BAAT: variants seen among roughly 807,000 people sequenced by gnomAD.
The protein encoded by BAAT is bile acid CoA: amino acid N-acyltransferase (glycine N-choloyltransferase).
Under a neutral mutation model 18.9 loss-of-function variants are expected in BAAT, and 13 were observed. That is an observed-to-expected ratio of 0.69 (90% CI 0.45 to 1.10). The LOEUF (loss-of-function observed/expected upper bound fraction) is 1.10, where lower values mean the gene tolerates loss of function less well. Among genes scored for constraint, BAAT ranks in the 50% least tolerant of loss-of-function variants. The pLI is 0.00. For missense variants in BAAT, 489 were observed against 504.0 expected (o/e 0.97, Z 0.28); for synonymous variants, 170 against 190.7 (o/e 0.89, Z 0.89).
chr9:101,372,532 A>G (rs766948018), intron 1 of BAAT, among the ~76,000 whole-genome samples: 13 of 151,800 alleles, frequency 8.6e-5, no homozygotes, highest in Non-Finnish European at 1.6e-4. Context: ...CCTTTTGATT[A>G]GTGTGAAGAA....
In BAAT at chr9:101,371,471, A is replaced by C; in HGVS notation, c.-59-8T>G. 6.9e-7 allele frequency: 1 copy of C among 1,446,636 alleles called. No homozygotes were observed. Among genetic ancestry groups the C allele is most frequent in the Non-Finnish European group, 9.5e-7 (1 of 1,051,580 alleles). The allele number at this position is 1,446,636 out of a possible 1,614,324, so 89.6% of individuals were successfully genotyped here. On this transcript the variant is annotated splice_region_variant and splice_polypyrimidine_tract_variant and intron_variant, in intron 1 of 3. Transcript: ENST00000259407. ...TCAGCAAAACCTCAAAACCTCAAAA[A>C]AGAAAGAAAGAGGAGCAGTAAAATA...
chr9:101,368,081 A>C (rs1045904146), intron 3 of BAAT, 39 bp downstream of exon 3: 2 of 1,581,940 alleles, frequency 1.3e-6, no homozygotes, highest in Non-Finnish European at 1.7e-6. Flanking sequence ...AAACAAAAAA[A>C]CCCCAGGGAC....
rs910094199 is a variant in BAAT, at chr9:101,382,268, C to T, written c.-60+2587G>A. ...TAATTGGCAGCTTTCAGGAACTGGGCGAATGAGCTCAAACATGCACATTAA... is the reference window on the plus strand; with the variant it reads ...TAATTGGCAGCTTTCAGGAACTGGGTGAATGAGCTCAAACATGCACATTAA... On this transcript the variant is annotated intron_variant, in intron 1 of 3. Transcript: ENST00000259407. 3.3e-5 allele frequency among the ~76,000 whole-genome samples: 5 copies of T among 152,098 alleles called. 1 individual carries two copies. The highest frequency in any genetic ancestry group is 4.2e-4 in the South Asian group (2 of 4,818).
At chr9:101,372,047 TG>T (rs1564056761) in intron 1 of BAAT, among the ~76,000 whole-genome samples, 1 of 152,008 alleles carries the variant, frequency 6.6e-6, no homozygotes, top group Non-Finnish European at 1.5e-5. Flanking sequence ...AGTGAACTAA[TG>T]AAGAAACAGA....
intron 1 of BAAT, among the ~76,000 whole-genome samples, chr9:101,374,078 A>G (rs571904253): frequency 3.3e-5 from 5 of 152,306 alleles, no homozygotes; most frequent in African/African-American, 1.2e-4. Flanking sequence ...TTACTATCAA[A>G]ATGTCTGAAG....
intron 1 of BAAT, among the ~76,000 whole-genome samples, chr9:101,377,532 T>G (rs1830067275): frequency 6.6e-6 from 1 of 152,116 alleles, no homozygotes; most frequent in African/African-American, 2.4e-5. Context: ...GATAGGATTA[T>G]AAAAGCTAAA....
At chr9:101,364,295 T>C (rs982375564) in intron 3 of BAAT, among the ~76,000 whole-genome samples, 41 of 152,298 alleles carry the variant, frequency 2.7e-4, no homozygotes, top group African/African-American at 9.9e-4. Context: ...AAAGCCTATG[T>C]TTATGATCAT....
chr9:101,374,914 GTGA>G (rs1198726123), intron 1 of BAAT, among the ~76,000 whole-genome samples: 1 of 151,752 alleles, frequency 6.6e-6, no homozygotes, highest in Non-Finnish European at 1.5e-5. Flanking sequence ...TTGAATTTCT[GTGA>G]TGAACTCTTC....
At position 101,363,020 on chromosome 9, in the gene BAAT, A is replaced by G; in HGVS notation, c.670-5T>C. ...CCCAACGCCTGAGCCAAAGACCTGA[A>G]AAAAATAATAGAAATGAGAAATTAT... is the stretch of plus-strand genomic sequence containing the variant. On this transcript the variant is annotated splice_polypyrimidine_tract_variant and splice_region_variant and intron_variant, in intron 3 of 3. Coordinates refer to ENST00000259407, the MANE Select transcript of BAAT (RefSeq NM_001701.4). 1 of 1,610,490 alleles carries G rather than the reference A, an allele frequency of 6.2e-7. No individual in the cohort carries two copies.
Position 101,371,373 on chromosome 9 carries a change from G to A in BAAT, c.32C>T (p.Ala11Val), listed in dbSNP as rs779758556. 7.4e-6 allele frequency: 12 copies of A among 1,612,542 alleles called. No individual in the cohort carries two copies. The Admixed American group carries it at 2.0e-4, about 27-fold the overall frequency. ...GATATGCACTGGCTCATCAACAAGT[G>A]CACTCACAGGGGTAGCTGTCAACTG... Reference protein sequence around the residue: MIQLTATPVSALVDEPVHIRA... With the variant: MIQLTATPVSVLVDEPVHIRA... The change falls in exon 2 of 4, where the codon GCA becomes GTA. Residue 11 changes from alanine to valine, a missense_variant. Physicochemically the swap from Ala to Val is moderately conservative, Grantham distance 64. Coordinates refer to ENST00000259407, the MANE Select transcript of BAAT (RefSeq NM_001701.4).
At chr9:101,380,832 C>T (rs906996654) in intron 1 of BAAT, among the ~76,000 whole-genome samples, 1 of 152,136 alleles carries the variant, frequency 6.6e-6, no homozygotes, top group African/African-American at 2.4e-5. Context: ...TGGCTCACTG[C>T]AATCTCCACT....
At chr9:101,369,465 T>C (rs1829889497) in intron 2 of BAAT, among the ~76,000 whole-genome samples, 1 of 152,166 alleles carries the variant, frequency 6.6e-6, no homozygotes, top group Admixed American at 6.5e-5. Context: ...TCAACCTCCT[T>C]ATAACCTCAC....
rs760488689 is a variant in BAAT, at chr9:101,362,923, C to T, written c.762G>A (p.Thr254=). ...MAIYLKQVTA[T]VLINGTNFPF... ...GAAAGTTGGTCCCATTAATAAGTAC[C>T]GTGGCTGTGACTTGCTTTAGGTAAA... The change falls in exon 4 of 4, where the codon ACG becomes ACA. Residue 254 remains threonine (T), a synonymous_variant. Transcript: ENST00000259407. 5.3e-5 allele frequency: 86 copies of T among 1,613,836 alleles called. 2 individuals are homozygous for T. Among genetic ancestry groups the T allele is most frequent in the South Asian group, 5.1e-4 (46 of 91,072 alleles).
At chr9:101,372,085 A>G (rs1434467562) in intron 1 of BAAT, among the ~76,000 whole-genome samples, 2 of 152,166 alleles carry the variant, frequency 1.3e-5, no homozygotes, top group Non-Finnish European at 2.9e-5. Flanking sequence ...GTTCTCAATT[A>G]TAAGTGGGAG....
intron 1 of BAAT, chr9:101,376,311 A>C (rs914660580): frequency 4.9e-6 from 1 of 203,720 alleles, no homozygotes; most frequent in East Asian, 1.5e-4. Context: ...TTGCTTTCCT[A>C]GATGCAAGGC....
At position 101,372,348 on chromosome 9, in the gene BAAT, T is replaced by C. The variant is rs75926593; in HGVS notation, c.-59-885A>G. 8.0e-3 allele frequency among the ~76,000 whole-genome samples: 1,201 copies of C among 150,816 alleles called. 19 individuals are homozygous for C. Among genetic ancestry groups the C allele is most frequent in the African/African-American group, 0.027 (1,120 of 41,224 alleles). On this transcript the variant is annotated intron_variant, in intron 1 of 3. Coordinates refer to ENST00000259407, the MANE Select transcript of BAAT (RefSeq NM_001701.4). ...CTCAAAAGAATGAGAATAAAATCTT[T>C]GGAAAGAACAAAAGGGGTGGTGTGT...
chr9:101,377,969 A>G (rs1830074373), intron 1 of BAAT, among the ~76,000 whole-genome samples: 1 of 152,216 alleles, frequency 6.6e-6, no homozygotes, highest in South Asian at 2.1e-4. Flanking sequence ...TTAGACAAGC[A>G]GAGAGCCAAA....
chr9:101,362,771 C>G lies in BAAT; in HGVS notation c.914G>C (p.Gly305Ala), dbSNP rs955922928. 1 of 1,614,122 alleles carries G rather than the reference C, an allele frequency of 6.2e-7. No homozygotes were observed. Among genetic ancestry groups the G allele is most frequent in the Non-Finnish European group, 8.5e-7 (1 of 1,180,028 alleles). ...LYRTFETTQV[G>A]ASQYLFPIEE... ...AATAGGAAACAAATATTGACTGGCC[C>G]CAACTTGAGTTGTCTCAAAAGTGCG... is the stretch of plus-strand genomic sequence containing the variant. The change falls in exon 4 of 4, where the codon GGG (glycine) becomes GCG (alanine). Residue 305 changes from glycine to alanine, a missense_variant. Transcript: ENST00000259407.
Position 101,362,892 on chromosome 9 carries a change from C to T in BAAT, c.793G>A (p.Gly265Ser), listed in dbSNP as rs147903670. Residue 265 changes from glycine to serine, a missense_variant, in exon 4 of 4, where the codon GGC becomes AGC. Transcript: ENST00000259407. ...VLINGTNFPF[G>S]IPQVYHGQIH... Reference sequence around the variant, plus strand: ...TGACCATGATATACCTGTGGAATGCCAAAAGGAAAGTTGGTCCCATTAATA... The same window carrying T: ...TGACCATGATATACCTGTGGAATGCTAAAAGGAAAGTTGGTCCCATTAATA... 1 of 1,613,954 alleles carries T rather than the reference C, an allele frequency of 6.2e-7. No individual in the cohort carries two copies. Among genetic ancestry groups the T allele is most frequent in the African/African-American group, 1.3e-5 (1 of 74,978 alleles).
Sources: gnomAD v4.1 joint callset for allele counts (sites outside exome capture counted in the v4.1 genomes callset) on GRCh38, gnomAD v4.1.1 for gene constraint, MANE v1.5 for transcripts, NCBI Gene and HGNC (gene_info 2026-07-23, HGNC 2026-07-21) for gene names.